The following ZNRF2 variants were observed in gnomAD, a reference collection of about 807,000 sequenced individuals.
ZNRF2 encodes the protein zinc and ring finger 2.
ZNRF2 carries 16 observed loss-of-function variants against 20.4 expected under a neutral mutation model. That is an observed-to-expected ratio of 0.79 (90% CI 0.53 to 1.19). The LOEUF (loss-of-function observed/expected upper bound fraction) is 1.19, where lower values mean the gene tolerates loss of function less well. ZNRF2 is among the 50% of genes most tolerant of loss of function. The pLI, the probability that ZNRF2 is intolerant of heterozygous loss-of-function variation, is 0.00. For missense variants in ZNRF2, 363 were observed against 332.4 expected, an observed-to-expected ratio of 1.09 and a Z score of -0.72; for synonymous variants, 178 against 144.9, an observed-to-expected ratio of 1.23 and a Z score of -1.64.
chr7:30,298,769 A>T (rs979782879), intron 1 of ZNRF2, among the ~76,000 whole-genome samples: 3 of 152,164 alleles, frequency 2.0e-5, no homozygotes, highest in African/African-American at 7.2e-5. Flanking sequence ...GACAACTAGG[A>T]GATCTCACAG....
At chr7:30,365,198 ATTT>A (rs991185899) in intron 4 of ZNRF2, among the ~76,000 whole-genome samples, 17 of 128,416 alleles carry the variant, frequency 1.3e-4, no homozygotes, top group Non-Finnish European at 1.8e-4. Context: ...TATTGTATAA[ATTT>A]TTTTTCTTTC....
chr7:30,330,846 G>A (rs1385181928), intron 2 of ZNRF2, among the ~76,000 whole-genome samples: 1 of 152,052 alleles, frequency 6.6e-6, no homozygotes, highest in African/African-American at 2.4e-5. Flanking sequence ...GCTTGAGCAT[G>A]TGTGAACTTC....
intron 1 of ZNRF2, among the ~76,000 whole-genome samples, chr7:30,317,795 A>T (rs576825044): frequency 2.0e-5 from 3 of 152,158 alleles, no homozygotes; most frequent in Non-Finnish European, 2.9e-5. Context: ...AAACAGAGAG[A>T]GTGTAGGTTC....
chr7:30,286,858 C>T (rs1798799206), intron 1 of ZNRF2, among the ~76,000 whole-genome samples: 1 of 152,096 alleles, frequency 6.6e-6, no homozygotes, highest in Non-Finnish European at 1.5e-5. Context: ...AAACACGATC[C>T]CCTACATTTT....
chr7:30,300,642 T>G (rs1048811781), intron 1 of ZNRF2, among the ~76,000 whole-genome samples: 1 of 152,206 alleles, frequency 6.6e-6, no homozygotes, highest in Non-Finnish European at 1.5e-5. Flanking sequence ...TGGGATATAG[T>G]GGTTGATTCA....
chr7:30,304,827 G>A (rs1328036015), intron 1 of ZNRF2, among the ~76,000 whole-genome samples: 1 of 152,106 alleles, frequency 6.6e-6, no homozygotes, highest in Non-Finnish European at 1.5e-5. Context: ...GGAAATAAAG[G>A]ACTAGGGTGA....
intron 3 of ZNRF2, among the ~76,000 whole-genome samples, chr7:30,356,588 A>G (rs1392511157): frequency 6.6e-6 from 1 of 152,164 alleles, no homozygotes; most frequent in Non-Finnish European, 1.5e-5. Flanking sequence ...GGCAAATATT[A>G]ACTAAAAGAA....
At chr7:30,357,980 A>G (rs1800066287) in intron 3 of ZNRF2, among the ~76,000 whole-genome samples, 1 of 152,200 alleles carries the variant, frequency 6.6e-6, no homozygotes, top group Non-Finnish European at 1.5e-5. Context: ...GTATCTAACA[A>G]TATATATCTA....
At chr7:30,309,396 C>T (rs1799256321) in intron 1 of ZNRF2, among the ~76,000 whole-genome samples, 1 of 152,124 alleles carries the variant, frequency 6.6e-6, no homozygotes, top group South Asian at 2.1e-4. Flanking sequence ...TGATAAAACT[C>T]AGCATGTATA....
chr7:30,351,006 G>GT (rs71557456), intron 2 of ZNRF2, among the ~76,000 whole-genome samples: 2,647 of 121,010 alleles, frequency 0.022, 59 homozygotes, highest in African/African-American at 0.056. Flanking sequence ...TTGGTTTTTT[G>GT]TTTTTTTTTT....
intron 1 of ZNRF2, among the ~76,000 whole-genome samples, chr7:30,314,809 A>ATATG (rs1799343639): frequency 1.3e-5 from 2 of 148,400 alleles, no homozygotes; most frequent in African/African-American, 2.5e-5. Context: ...ATATATGTAT[A>ATATG]TATGTATGTA....
intron 2 of ZNRF2, among the ~76,000 whole-genome samples, chr7:30,334,621 G>A (rs888025729): frequency 2.0e-5 from 3 of 151,966 alleles, no homozygotes; most frequent in Non-Finnish European, 4.4e-5. Flanking sequence ...TTTTTCTTTC[G>A]ATATTTTATT....
intron 2 of ZNRF2, among the ~76,000 whole-genome samples, chr7:30,343,503 C>T (rs984426872): frequency 1.3e-5 from 2 of 151,948 alleles, no homozygotes; most frequent in African/African-American, 4.8e-5. Flanking sequence ...TATTTTTTTT[C>T]CTTTACAAAT....
At chr7:30,312,218 C>CAG (rs1799302002) in intron 1 of ZNRF2, among the ~76,000 whole-genome samples, 1 of 152,130 alleles carries the variant, frequency 6.6e-6, no homozygotes, top group African/African-American at 2.4e-5. Flanking sequence ...TGTACTCAAG[C>CAG]AGTCCTCCCT....
chr7:30,325,677 C>T (rs898603136), intron 2 of ZNRF2, among the ~76,000 whole-genome samples: 4 of 152,180 alleles, frequency 2.6e-5, no homozygotes, highest in South Asian at 2.1e-4. Context: ...GGTGGTGCTT[C>T]AGCCACCCTA....
intron 1 of ZNRF2, among the ~76,000 whole-genome samples, chr7:30,295,073 G>GTGTGTGTGTGTGTT (rs1798995372): frequency 6.8e-6 from 1 of 145,998 alleles, no homozygotes; most frequent in Non-Finnish European, 1.5e-5. Flanking sequence ...GTGTGTGTGT[G>GTGTGTGTGTGTGTT]TGTGTGTGTG....
At chr7:30,332,841 G>A (rs1480274180) in intron 2 of ZNRF2, among the ~76,000 whole-genome samples, 2 of 152,090 alleles carry the variant, frequency 1.3e-5, no homozygotes, top group Admixed American at 1.3e-4. Flanking sequence ...AAACATACGA[G>A]TGCAGGTGTC....
At chr7:30,346,423 A>G (rs978073916) in intron 2 of ZNRF2, among the ~76,000 whole-genome samples, 1 of 151,864 alleles carries the variant, frequency 6.6e-6, no homozygotes, top group Non-Finnish European at 1.5e-5. Context: ...CCAACTCCTC[A>G]GGTGATCCGC....
chr7:30,299,054 C>T (rs1341726139), intron 1 of ZNRF2, among the ~76,000 whole-genome samples: 2 of 152,074 alleles, frequency 1.3e-5, no homozygotes, highest in Non-Finnish European at 2.9e-5. Flanking sequence ...TGAGCAGAAA[C>T]TAATGAATGT....
Sources: gnomAD v4.1 joint callset for allele counts (sites outside exome capture counted in the v4.1 genomes callset) on GRCh38, gnomAD v4.1.1 for gene constraint, MANE v1.5 for transcripts, NCBI Gene and HGNC (gene_info 2026-07-23, HGNC 2026-07-21) for gene names.